The following ZNF521 variants were observed in gnomAD, a reference collection of about 807,000 sequenced individuals.
ZNF521 encodes zinc finger protein 521, also known as LYST-interacting protein 3.
ZNF521 carries 14 observed loss-of-function variants against 105.5 expected under a neutral mutation model. The observed-to-expected ratio is 0.13, with a 90% CI of 0.09 to 0.21. ZNF521 has a LOEUF of 0.21. Among genes scored for constraint, ZNF521 ranks in the 10% least tolerant of loss-of-function variants. The probability of loss-of-function intolerance (pLI) is 1.00; values close to 1 mark genes in which losing one functional copy is unlikely to be tolerated. For synonymous variants in ZNF521, 635 were observed against 606.0 expected (o/e 1.05, Z -0.70); for missense variants, 1,233 against 1,629.7 (o/e 0.76, Z 4.19).
chr18:25,094,523 A>G (rs2033812437), intron 5 of ZNF521, among the ~76,000 whole-genome samples: 1 of 152,120 alleles, frequency 6.6e-6, no homozygotes, highest in Admixed American at 6.5e-5. Flanking sequence ...GACAGCAATG[A>G]TAACAATCAC....
At position 25,091,952 on chromosome 18, in the gene ZNF521, G is replaced by A. The variant is rs1446578458; in HGVS notation, c.3788C>T (p.Thr1263Ile). The A allele has an allele frequency of 2.5e-6, 4 of 1,613,580 alleles. No homozygotes were observed. The Admixed American group carries it at 5.0e-5, about 20-fold the overall frequency. Residue 1263 changes from threonine (T) to isoleucine (I), a missense_variant and splice_region_variant, in exon 6 of 8, where the codon ACA (threonine) becomes ATA (isoleucine). By Grantham distance (89) the Thr-to-Ile change is moderately conservative. This residue lies in a region of ZNF521 where 76 missense variants were observed against 137.2 expected (regional missense o/e 0.55). Transcript: ENST00000361524. ...GGTFKCPVCF[T>I]VFVQANKLQQ... ...TCTTCCTGAAATAATCTTCCCACCT[G>A]TAAAGCAGACTGGACACTTGAAGGT...
At chr18:25,242,498 T>A (rs1476536010) in intron 3 of ZNF521, among the ~76,000 whole-genome samples, 7 of 151,926 alleles carry the variant, frequency 4.6e-5, no homozygotes, top group East Asian at 1.9e-4. Flanking sequence ...TCCTATATAT[T>A]TTTTTTGCTT....
intron 3 of ZNF521, among the ~76,000 whole-genome samples, chr18:25,229,019 CAGTT>C (rs897554705): frequency 2.0e-5 from 3 of 152,102 alleles, no homozygotes; most frequent in African/African-American, 7.2e-5. Flanking sequence ...ATAAGAGGCT[CAGTT>C]AGAGCATTAT....
chr18:25,134,071 G>A (rs2034688315), intron 5 of ZNF521, among the ~76,000 whole-genome samples: 1 of 152,162 alleles, frequency 6.6e-6, no homozygotes, highest in African/African-American at 2.4e-5. Context: ...AAACCAGCCA[G>A]CTGATGCAAT....
chr18:25,235,835 A>G (rs1906853716), intron 3 of ZNF521, among the ~76,000 whole-genome samples: 2 of 152,342 alleles, frequency 1.3e-5, no homozygotes, highest in African/African-American at 4.8e-5. Flanking sequence ...TTAATGAACA[A>G]TTAGCACCCC....
Position 25,225,863 on chromosome 18 carries a change from A to G in ZNF521, c.2055T>C (p.Ile685=), listed in dbSNP as rs1235344549. ...NQESLLKHVT[I]HFMITSTYYI... ...AATACGTTGAAGTGATCATAAAGTG[A>G]ATGGTAACATGCTTCAGCAAGGATT... Residue 685 remains isoleucine (I), a synonymous_variant, in exon 4 of 8, where the codon ATT becomes ATC. Coordinates refer to ENST00000361524, the MANE Select transcript of ZNF521 (RefSeq NM_015461.3). The surrounding 1 kb of genome is among the most constrained non-coding windows in gnomAD (Gnocchi z 5.6). 3.7e-6 allele frequency: 6 copies of G among 1,614,058 alleles called. No homozygotes were observed. The highest frequency in any genetic ancestry group is 3.4e-6 in the Non-Finnish European group (4 of 1,180,042).
chr18:25,339,817 TAA>T (rs1914097861), intron 2 of ZNF521, among the ~76,000 whole-genome samples: 1 of 152,210 alleles, frequency 6.6e-6, no homozygotes, highest in African/African-American at 2.4e-5. Flanking sequence ...TGGGTCACTT[TAA>T]GTTAGGTGGG....
Position 25,137,507 on chromosome 18 carries a change from A to G in ZNF521, c.3659-45426T>C, listed in dbSNP as rs138205094. 5.9e-3 allele frequency among the ~76,000 whole-genome samples: 900 copies of G among 152,164 alleles called. 7 individuals are homozygous for G. Among genetic ancestry groups the G allele is most frequent in the African/African-American group, 0.02 (847 of 41,524 alleles). ...AATTCATTTGTATTACCACATTTAG[A>G]CCTTCCACTAAGCAGACAATCACAG... On this transcript the variant is annotated intron_variant, in intron 5 of 7. Coordinates refer to ENST00000361524, the MANE Select transcript of ZNF521 (RefSeq NM_015461.3).
intron 4 of ZNF521, among the ~76,000 whole-genome samples, chr18:25,216,153 T>C (rs1267278793): frequency 1.3e-5 from 2 of 152,168 alleles, no homozygotes; most frequent in African/African-American, 2.4e-5. Context: ...TTCAGCCTCA[T>C]AGGGAAATTC....
intron 7 of ZNF521, among the ~76,000 whole-genome samples, chr18:25,066,238 A>C (rs1458517739): frequency 6.6e-6 from 1 of 152,152 alleles, no homozygotes; most frequent in Non-Finnish European, 1.5e-5. Flanking sequence ...CTCATGGTGG[A>C]AGGCAGCACG....
intron 5 of ZNF521, among the ~76,000 whole-genome samples, chr18:25,174,979 C>T (rs1484423302): frequency 6.6e-6 from 1 of 152,146 alleles, no homozygotes; most frequent in South Asian, 2.1e-4. Flanking sequence ...TGACCAAGGT[C>T]CAGCGGTAAA....
chr18:25,110,692 A>AAAAC (rs1256631293), intron 5 of ZNF521, among the ~76,000 whole-genome samples: 1 of 152,058 alleles, frequency 6.6e-6, no homozygotes, highest in African/African-American at 2.4e-5. Flanking sequence ...AGTAAAAAAA[A>AAAAC]AAAAAATTGT....
chr18:25,102,277 A>T (rs867068668), intron 5 of ZNF521, among the ~76,000 whole-genome samples: 5 of 152,302 alleles, frequency 3.3e-5, no homozygotes, highest in Middle Eastern at 6.8e-3. Context: ...TTTTTAAATT[A>T]AAAGACATTC....
In ZNF521 at chr18:25,352,067, AG is replaced by A; in HGVS notation, c.-65del. Reference sequence around the variant, plus strand: ...CACATAATAATGGAAAATGGAAGCAAGGCCCCCAAAGCCATCAGGATGGCTC... The same window carrying A: ...CACATAATAATGGAAAATGGAAGCAAGCCCCCAAAGCCATCAGGATGGCTC... On this transcript the variant is annotated 5_prime_UTR_variant, in exon 1 of 8. Coordinates refer to ENST00000361524, the MANE Select transcript of ZNF521 (RefSeq NM_015461.3). 2.0e-6 allele frequency: 1 copy of A among 497,558 alleles called. No homozygotes were observed. The highest frequency in any genetic ancestry group is 1.4e-5 in the South Asian group (1 of 69,150). 30.8% of individuals were successfully genotyped at this position (497,558 alleles called of 1,614,324 possible). A position where few individuals can be genotyped will look rare whatever the true frequency, so the allele number is the denominator to read the frequency against.
chr18:25,238,208 A>C (rs914271168), intron 3 of ZNF521, among the ~76,000 whole-genome samples: 1 of 152,210 alleles, frequency 6.6e-6, no homozygotes, highest in African/African-American at 2.4e-5. Context: ...TTTATGGGTA[A>C]ATGAATAAAC....
intron 7 of ZNF521, among the ~76,000 whole-genome samples, chr18:25,067,262 T>C (rs1015618516): frequency 3.3e-5 from 5 of 152,150 alleles, no homozygotes; most frequent in African/African-American, 9.7e-5. Context: ...GATACCTTAA[T>C]AGCGAGGTTT....
intron 5 of ZNF521, among the ~76,000 whole-genome samples, chr18:25,146,943 T>C (rs989691241): frequency 6.6e-6 from 1 of 152,166 alleles, no homozygotes; most frequent in African/African-American, 2.4e-5. Context: ...AAAACAAAAC[T>C]GGATGCTCAA....
At chr18:25,262,113 T>C (rs1180590312) in intron 3 of ZNF521, among the ~76,000 whole-genome samples, 2 of 152,194 alleles carry the variant, frequency 1.3e-5, no homozygotes, top group Non-Finnish European at 2.9e-5. Context: ...AACAATCACT[T>C]ACGTCCCTTT....
chr18:25,285,738 G>A (rs1261628490), intron 3 of ZNF521, among the ~76,000 whole-genome samples: 1 of 150,064 alleles, frequency 6.7e-6, no homozygotes, highest in East Asian at 2.0e-4. Context: ...ACACGTACGC[G>A]CCTGCGCGCG....
Sources: gnomAD v4.1 joint callset for allele counts (sites outside exome capture counted in the v4.1 genomes callset) on GRCh38, gnomAD v4.1.1 for gene constraint, gnomAD v4.1.1 regional missense constraint, Gnocchi (gnomAD v3.1) non-coding constraint, MANE v1.5 for transcripts, NCBI Gene and HGNC (gene_info 2026-07-23, HGNC 2026-07-21) for gene names.